The following STK33 variants were observed in gnomAD, a reference collection of about 807,000 sequenced individuals.
STK33 encodes the protein serine/threonine kinase 33, also known as serine/threonine-protein kinase 33.
In STK33, 52 loss-of-function variants were observed where a neutral mutation model predicts 58.0. The ratio of observed to expected loss-of-function variants is 0.90; its 90% CI spans 0.72 to 1.13. The LOEUF is 1.13. STK33 is among the 50% of genes most tolerant of loss of function. The pLI, the probability that STK33 is intolerant of heterozygous loss-of-function variation, is 0.00. For synonymous variants in STK33, 215 were observed against 200.1 expected (o/e 1.07, Z -0.63); for missense variants, 630 against 604.2 (o/e 1.04, Z -0.45).
At chr11:8,384,489 G>A in the STK33 span, among the ~76,000 whole-genome samples, 35,753 of 152,178 alleles carry the variant, frequency 0.23, 4,415 homozygotes, top group South Asian at 0.36. Flanking sequence ...ACAGACATCC[G>A]GAGGCTTAAA....
chr11:8,353,266 C>G, the STK33 span, among the ~76,000 whole-genome samples: 254 of 152,338 alleles, frequency 1.7e-3, 1 homozygote, highest in African/African-American at 6.0e-3. Flanking sequence ...GAGTTGGTGC[C>G]GGCTAAGCCT....
At chr11:8,343,062 C>T in the STK33 span, among the ~76,000 whole-genome samples, 3 of 152,226 alleles carry the variant, frequency 2.0e-5, no homozygotes, top group African/African-American at 7.2e-5. Context: ...GAACTTAAAC[C>T]ACATACGATC....
chr11:8,337,732 C>G, the STK33 span, among the ~76,000 whole-genome samples: 2 of 152,028 alleles, frequency 1.3e-5, no homozygotes, highest in Admixed American at 6.5e-5. Context: ...CCCCAGTCCT[C>G]ACTTTGTTCA....
intron 9 of STK33, among the ~76,000 whole-genome samples, chr11:8,456,685 T>C (rs1946899572): frequency 6.6e-6 from 1 of 152,200 alleles, no homozygotes; most frequent in Non-Finnish European, 1.5e-5. Flanking sequence ...GCAGCAGCAG[T>C]AACACCTAAG....
rs552879831 is a variant in STK33 at position 8,534,499 on chromosome 11, T to C, written c.-465-53885A>G. On this transcript the variant is annotated intron_variant, in intron 1 of 15. Coordinates refer to ENST00000687296, the MANE Select transcript of STK33 (RefSeq NM_001352389.2). ...TATAACATTGATCATAAGGGTATTATTTCTTCAAACTTGTTCCAGCAAGTA... is the reference window on the plus strand; with the variant it reads ...TATAACATTGATCATAAGGGTATTACTTCTTCAAACTTGTTCCAGCAAGTA... Among the ~76,000 whole-genome samples the C allele has an allele frequency of 1.9e-3, 283 of 151,970 alleles. 1 individual carries two copies. The highest frequency in any genetic ancestry group is 4.1e-3 in the Admixed American group (63 of 15,224).
At chr11:8,512,596 C>T (rs1952427619) in intron 1 of STK33, among the ~76,000 whole-genome samples, 1 of 152,136 alleles carries the variant, frequency 6.6e-6, no homozygotes, top group Admixed American at 6.6e-5. Context: ...ATTGTAAGCT[C>T]ATTTCTTATG....
chr11:8,388,102 C>T (rs765691439), downstream of STK33, among the ~76,000 whole-genome samples: 2 of 152,136 alleles, frequency 1.3e-5, no homozygotes, highest in Non-Finnish European at 2.9e-5. Context: ...CAGGACAGGA[C>T]CTGATGCATG....
Position 8,416,214 on chromosome 11 carries a change from T to G in STK33, c.1147-2522A>C, listed in dbSNP as rs529929317. 5.9e-5 allele frequency among the ~76,000 whole-genome samples: 9 copies of G among 152,084 alleles called. No homozygotes were observed. In the East Asian group the frequency reaches 1.7e-3, roughly 29 times the overall value. On this transcript the variant is annotated intron_variant, in intron 14 of 15. Transcript: ENST00000687296. Reference sequence around the variant, plus strand: ...AATACGAATGGAGTAACAGAAGAAATTGCTGACTGGGAATGCTGACACTAC... The same window carrying G: ...AATACGAATGGAGTAACAGAAGAAAGTGCTGACTGGGAATGCTGACACTAC...
chr11:8,335,807 A>C, the STK33 span, among the ~76,000 whole-genome samples: 1 of 152,230 alleles, frequency 6.6e-6, no homozygotes, highest in Non-Finnish European at 1.5e-5. Context: ...GATATTTTAC[A>C]TTCTTCTATG....
intron 9 of STK33, among the ~76,000 whole-genome samples, chr11:8,455,526 C>T (rs1277779589): frequency 6.6e-6 from 1 of 152,054 alleles, no homozygotes. Context: ...AAGTTATACA[C>T]GGCCAGGCGC....
At chr11:8,551,642 A>G (rs560470104) in intron 1 of STK33, among the ~76,000 whole-genome samples, 17 of 152,218 alleles carry the variant, frequency 1.1e-4, no homozygotes, top group Non-Finnish European at 1.8e-4. Flanking sequence ...ACTTCTTCAT[A>G]TCGGAACTTA....
At chr11:8,338,289 C>T in the STK33 span, among the ~76,000 whole-genome samples, 8 of 152,196 alleles carry the variant, frequency 5.3e-5, no homozygotes, top group African/African-American at 1.7e-4. Flanking sequence ...GGAGGATCAT[C>T]TCTGCTCCAG....
At chr11:8,514,251 G>A (rs1018648144) in intron 1 of STK33, among the ~76,000 whole-genome samples, 4 of 151,880 alleles carry the variant, frequency 2.6e-5, no homozygotes, top group Non-Finnish European at 5.9e-5. Flanking sequence ...CCAAATTTAT[G>A]GTAACTTCTA....
At chr11:8,566,837 T>G (rs1387043835) in intron 1 of STK33, among the ~76,000 whole-genome samples, 2 of 152,334 alleles carry the variant, frequency 1.3e-5, no homozygotes, top group South Asian at 4.1e-4. Context: ...CTCAGGACTT[T>G]AATACAGTTA....
rs1279260348 is a variant in STK33, at chr11:8,594,116, G to A, written c.-499C>T. The A allele has an allele frequency of 6.6e-6, 1 of 152,340 alleles. No homozygotes were observed. The highest frequency in any genetic ancestry group is 1.5e-5 in the Non-Finnish European group (1 of 68,130). The allele number at this position is 152,340 out of a possible 1,614,324, so 9.4% of individuals were successfully genotyped here. On this transcript the variant is annotated 5_prime_UTR_variant, in exon 1 of 16. Coordinates refer to ENST00000687296, the MANE Select transcript of STK33 (RefSeq NM_001352389.2). ...GCGGACTGGCGGGTCTCCGACAGGT[G>A]CGCACACTCGGCGCAGGCTGTCGCT...
intron 1 of STK33, chr11:8,555,061 C>T (rs1012620021): frequency 2.6e-5 from 4 of 151,870 alleles, no homozygotes; most frequent in African/African-American, 9.7e-5. Flanking sequence ...TCTCTTCAGC[C>T]AGGGTTGGAG....
chr11:8,408,542 C>G (rs891480470), intron 15 of STK33, among the ~76,000 whole-genome samples: 1 of 152,180 alleles, frequency 6.6e-6, no homozygotes, highest in African/African-American at 2.4e-5. Flanking sequence ...GCCAGCAACT[C>G]GCATTGCAAG....
intron 1 of STK33, among the ~76,000 whole-genome samples, chr11:8,523,087 C>G (rs1953638393): frequency 6.6e-6 from 1 of 152,242 alleles, no homozygotes; most frequent in African/African-American, 2.4e-5. Flanking sequence ...GTCTCGCTCA[C>G]TCAGTGCTCA....
At chr11:8,339,206 G>T in the STK33 span, among the ~76,000 whole-genome samples, 1 of 152,152 alleles carries the variant, frequency 6.6e-6, no homozygotes, top group South Asian at 2.1e-4. Flanking sequence ...GGCTCCGAGG[G>T]ATTTATTAAT....
Sources: allele counts gnomAD v4.1 joint callset (sites outside exome capture counted in the v4.1 genomes callset), GRCh38; gene constraint gnomAD v4.1.1; transcripts MANE v1.5; gene names NCBI Gene and HGNC (gene_info 2026-07-23, HGNC 2026-07-21).